Variants in URB1 observed in about 807,000 individuals in gnomAD.
URB1 encodes nucleolar pre-ribosomal-associated protein 1.
A neutral mutation model predicts 242.3 loss-of-function variants in URB1; 197 were observed. That is an observed-to-expected ratio of 0.81 (90% CI 0.72 to 0.91). The LOEUF is 0.91. URB1 is among the 40% of genes least tolerant of loss of function. The probability of loss-of-function intolerance (pLI) is 0.00; values close to 1 mark genes in which losing one functional copy is unlikely to be tolerated. For synonymous variants in URB1, 1,153 were observed against 1,201.8 expected (o/e 0.96, Z 0.84); for missense variants, 2,721 against 2,860.5 (o/e 0.95, Z 1.11).
Position 32,314,522 on chromosome 21 carries a change from A to G in URB1, c.*396T>C. 1 of 1,599,224 alleles carries G rather than the reference A, an allele frequency of 6.3e-7. No homozygotes were observed. Among genetic ancestry groups the G allele is most frequent in the Non-Finnish European group, 8.6e-7 (1 of 1,166,358 alleles). On this transcript the variant is annotated 3_prime_UTR_variant, in exon 39 of 39. Transcript: ENST00000382751. The stretch of plus-strand genomic sequence containing the variant: ...TAAACATCTCTCTTCGTTTTCATAA[A>G]AAAAATCTGATACCTTTTGACATTT...
chr21:32,347,968 C>G (rs986449216), intron 21 of URB1, among the ~76,000 whole-genome samples, 157 bp from the exon 22 acceptor site: 6 of 152,228 alleles, frequency 3.9e-5, no homozygotes, highest in Admixed American at 3.3e-4. Context: ...TCCATGCCCC[C>G]CTCGGGGTGC....
At chr21:32,333,102 A>T (rs912552050) in intron 30 of URB1, 22 of 469,542 alleles carry the variant, frequency 4.7e-5, no homozygotes, top group Non-Finnish European at 6.8e-5. Context: ...TAAAATTACA[A>T]TTTTTTTTTT....
At chr21:32,356,923 A>T (rs1476533979) in intron 15 of URB1, among the ~76,000 whole-genome samples, 1 of 152,246 alleles carries the variant, frequency 6.6e-6, no homozygotes, top group East Asian at 1.9e-4. Context: ...ACATTCTTTA[A>T]GCAGCTCAAG....
chr21:32,331,793 C>A (rs1220970973), intron 30 of URB1, among the ~76,000 whole-genome samples: 1 of 152,254 alleles, frequency 6.6e-6, no homozygotes, highest in Non-Finnish European at 1.5e-5. Flanking sequence ...GACTCCCACC[C>A]CTGCCAGGCT....
At position 32,312,134 on chromosome 21, in the gene URB1, A is replaced by C; in HGVS notation, c.*2784T>G. The C allele has an allele frequency of 1.3e-6, 2 of 1,541,422 alleles. No individual in the cohort carries two copies. Among genetic ancestry groups the C allele is most frequent in the Non-Finnish European group, 1.7e-6 (2 of 1,149,240 alleles). On this transcript the variant is annotated 3_prime_UTR_variant, in exon 39 of 39. Coordinates refer to ENST00000382751, the MANE Select transcript of URB1 (RefSeq NM_014825.3). The stretch of plus-strand genomic sequence containing the variant: ...GGTCAAGTGCAACTAGAGCAGGAGC[A>C]TCCTATGCCTTTGACAAAGATTGCA...
intron 1 of URB1, among the ~76,000 whole-genome samples, chr21:32,392,056 T>C (rs1049895528): frequency 2.0e-5 from 3 of 151,854 alleles, no homozygotes; most frequent in African/African-American, 7.3e-5. Context: ...AAATTGGAAG[T>C]TGAAGATATT....
intron 28 of URB1, among the ~76,000 whole-genome samples, chr21:32,336,083 G>T (rs1370332398): frequency 1.3e-5 from 2 of 152,168 alleles, no homozygotes; most frequent in African/African-American, 4.8e-5. Flanking sequence ...TTCTACTCCA[G>T]AAAGGACATA....
intron 26 of URB1, 58 bp downstream of exon 26, chr21:32,338,649 A>C (rs2032991491): frequency 6.5e-7 from 1 of 1,535,496 alleles, no homozygotes; most frequent in African/African-American, 1.4e-5. Context: ...CAGCCAGTGT[A>C]AGGAAATCAG....
chr21:32,353,273 C>T (rs1007285116), intron 18 of URB1, among the ~76,000 whole-genome samples: 6 of 152,156 alleles, frequency 3.9e-5, no homozygotes, highest in Non-Finnish European at 5.9e-5. Flanking sequence ...TGGTTAGTCA[C>T]TTCCAGGCCA....
Position 32,324,601 on chromosome 21 carries a change from A to C in URB1, c.5123T>G (p.Leu1708Arg), listed in dbSNP as rs1004525942. The C allele has an allele frequency of 1.3e-6, 2 of 1,550,176 alleles. No individual in the cohort carries two copies. Among genetic ancestry groups the C allele is most frequent in the African/African-American group, 2.7e-5 (2 of 73,020 alleles). ...EGARFQEQSQ[L>R]LYLLDVVRNG... is the part of the protein sequence containing the mutation. Reference sequence around the variant, plus strand: ...CCGGACTACATCCAACAGGTAAAGTAGCTTGAAAACAGAACAGAAAAGGAA... The same window carrying C: ...CCGGACTACATCCAACAGGTAAAGTCGCTTGAAAACAGAACAGAAAAGGAA... The change falls in exon 32 of 39, where the codon CTA (leucine) becomes CGA (arginine). Residue 1708 changes from leucine (L) to arginine (R), a missense_variant and splice_region_variant. Leu to Arg is a moderately radical substitution (Grantham distance 102). Coordinates refer to ENST00000382751, the MANE Select transcript of URB1 (RefSeq NM_014825.3).
intron 26 of URB1, among the ~76,000 whole-genome samples, chr21:32,338,406 G>A (rs1474560958): frequency 2.0e-5 from 3 of 152,010 alleles, no homozygotes; most frequent in Admixed American, 6.6e-5. Context: ...TTTCCCACGC[G>A]TGACTTCCCC....
At chr21:32,360,903 C>T (rs1601145188) in intron 13 of URB1, 104 bp downstream of exon 13, 11 of 716,148 alleles carry the variant, frequency 1.5e-5, no homozygotes, top group East Asian at 1.5e-4. Context: ...CGGATGAGCA[C>T]GCAGCCAACC....
chr21:32,338,782 G>A lies in URB1; in HGVS notation c.4435C>T (p.Leu1479Phe), dbSNP rs1395132177. The change falls in exon 26 of 39, where the codon CTC (leucine) becomes TTC (phenylalanine). Residue 1479 changes from leucine to phenylalanine, a missense_variant. By Grantham distance (22) the Leu-to-Phe change is conservative. Transcript: ENST00000382751. Reference sequence around the variant, plus strand: ...GGCAGAAACAGCGAGTGCTGCATGAGCATCACGTAGACCACCGGGAGCTGG... The same window carrying A: ...GGCAGAAACAGCGAGTGCTGCATGAACATCACGTAGACCACCGGGAGCTGG... ...LIQLPVVYVM[L>F]MQHSLFLPTL... 3.9e-6 allele frequency: 6 copies of A among 1,551,536 alleles called. No individual in the cohort carries two copies. In the South Asian group the frequency reaches 4.8e-5, roughly 12 times the overall value.
intron 33 of URB1, 96 bp downstream of exon 33, chr21:32,322,382 G>A: frequency 1.8e-6 from 2 of 1,135,644 alleles, no homozygotes; most frequent in Non-Finnish European, 2.6e-6. Context: ...TGGCCGTGCA[G>A]CATACAGGAT....
rs1392012329 is a variant in URB1, at chr21:32,392,809, C to G, written c.102G>C (p.Arg34=). The G allele has an allele frequency of 1.3e-6, 2 of 1,530,160 alleles. No individual in the cohort carries two copies. The highest frequency in any genetic ancestry group is 2.0e-5 in the Admixed American group (1 of 50,642). The allele number at this position is 1,530,160 out of a possible 1,614,324, so 94.8% of individuals were successfully genotyped here. The change falls in exon 1 of 39, where the codon CGG becomes CGC. Residue 34 remains arginine, a synonymous_variant. Coordinates refer to ENST00000382751, the MANE Select transcript of URB1 (RefSeq NM_014825.3). ...GCGGGTCCTTCAGCTGAGCCTTGAA[C>G]CGCACGCCCGTGAGCTCTTCTTTGC... The part of the protein sequence containing the change: ...RARKEELTGV[R]FKAQLKDPQG...
chr21:32,373,348 C>T (rs575345152), intron 7 of URB1, among the ~76,000 whole-genome samples: 9 of 151,940 alleles, frequency 5.9e-5, no homozygotes, highest in East Asian at 3.9e-4. Context: ...AAAAGATGGC[C>T]GGGATGACCC....
chr21:32,348,550 G>C (rs2033120585), intron 21 of URB1, among the ~76,000 whole-genome samples: 3 of 152,094 alleles, frequency 2.0e-5, no homozygotes, highest in African/African-American at 7.2e-5. Context: ...CAGCCCTGCT[G>C]AACCGATTCC....
chr21:32,350,160 C>T (rs980252655), intron 20 of URB1, among the ~76,000 whole-genome samples: 9 of 151,040 alleles, frequency 6.0e-5, no homozygotes, highest in African/African-American at 1.2e-4. Flanking sequence ...GGGCTGGGTG[C>T]GGTGGCTCAT....
In URB1 at chr21:32,391,456, G is replaced by A. The variant is rs75584499; in HGVS notation, c.142+1313C>T. On this transcript the variant is annotated intron_variant, in intron 1 of 38. Coordinates refer to ENST00000382751, the MANE Select transcript of URB1 (RefSeq NM_014825.3). ...ATCCAAGGTCTGTTAAACACCCTCA[G>A]GCACCATGTACCTCTCCTTTGGAAA... is the stretch of plus-strand genomic sequence containing the variant. Among the ~76,000 whole-genome samples the A allele has an allele frequency of 5.5e-3, 840 of 152,102 alleles. 16 individuals are homozygous for A. Among genetic ancestry groups the A allele is most frequent in the African/African-American group, 0.02 (811 of 41,514 alleles).
Sources: gnomAD v4.1 joint callset for allele counts (sites outside exome capture counted in the v4.1 genomes callset) on GRCh38, gnomAD v4.1.1 for gene constraint, MANE v1.5 for transcripts, NCBI Gene and HGNC (gene_info 2026-07-23, HGNC 2026-07-21) for gene names.